MOCOS: variants seen among roughly 807,000 people sequenced by gnomAD.
The protein encoded by MOCOS is molybdenum cofactor sulfurase.
Under a neutral mutation model 83.6 loss-of-function variants are expected in MOCOS, and 86 were observed. The observed-to-expected ratio is 1.03, with a 90% CI of 0.86 to 1.23. MOCOS has a LOEUF of 1.23. Ranked by LOEUF, MOCOS falls within the 50% of genes most tolerant of loss-of-function variation. The pLI is 0.00. For synonymous variants in MOCOS, 445 were observed against 434.7 expected (o/e 1.02, Z -0.29); for missense variants, 1,120 against 1,126.9 (o/e 0.99, Z 0.09).
At chr18:36,245,053 C>G (rs932540015) in intron 9 of MOCOS, among the ~76,000 whole-genome samples, 1 of 152,078 alleles carries the variant, frequency 6.6e-6, no homozygotes, top group Non-Finnish European at 1.5e-5. Flanking sequence ...ACAGTAGATA[C>G]TTGGTTGGTG....
At chr18:36,209,026 C>A (rs1022309597) in intron 6 of MOCOS, among the ~76,000 whole-genome samples, 3 of 152,028 alleles carry the variant, frequency 2.0e-5, no homozygotes, top group African/African-American at 7.2e-5. Flanking sequence ...TGTTATAAGC[C>A]TTTTCTGTGT....
At chr18:36,267,129 T>G (rs534905474) in intron 14 of MOCOS, among the ~76,000 whole-genome samples, 19 of 152,358 alleles carry the variant, frequency 1.2e-4, no homozygotes, top group African/African-American at 3.6e-4. Context: ...GTAATTCTGT[T>G]GTCTTGATCA....
chr18:36,251,046 G>T, intron 10 of MOCOS, 113 bp from the exon 11 acceptor site: 1 of 1,322,650 alleles, frequency 7.6e-7, no homozygotes, highest in South Asian at 1.3e-5. Flanking sequence ...TGCCTTCAGG[G>T]CTCATGCAAT....
At chr18:36,267,713 C>A (rs1411147298) in intron 14 of MOCOS, among the ~76,000 whole-genome samples, 1 of 152,160 alleles carries the variant, frequency 6.6e-6, no homozygotes, top group East Asian at 1.9e-4. Context: ...CTGCACCATG[C>A]AGGTTGCCAG....
At position 36,209,798 on chromosome 18, in the gene MOCOS, A is replaced by T. The variant is rs2091447630; in HGVS notation, c.1219-3568A>T. Among the ~76,000 whole-genome samples the T allele has an allele frequency of 2.0e-5, 3 of 152,186 alleles. No homozygotes were observed. In the South Asian group the frequency reaches 6.2e-4, roughly 32 times the overall value. On this transcript the variant is annotated intron_variant, in intron 6 of 14. Coordinates refer to ENST00000261326, the MANE Select transcript of MOCOS (RefSeq NM_017947.4). Reference sequence around the variant, plus strand: ...AATTGTGAATTGTGCTGCTATAAACATGTGTGCGTGTGTCTTTTCCACATA... The same window carrying T: ...AATTGTGAATTGTGCTGCTATAAACTTGTGTGCGTGTGTCTTTTCCACATA...
Position 36,200,171 on chromosome 18 carries a change from A to G in MOCOS, c.788A>G (p.Tyr263Cys), listed in dbSNP as rs771890603. The change falls in exon 4 of 15, where the codon TAT becomes TGT. Residue 263 changes from tyrosine to cysteine, a missense_variant. Physicochemically the swap from Tyr to Cys is radical, Grantham distance 194. Transcript: ENST00000261326. The part of the protein sequence containing the change: ...HQADFVPISF[Y>C]KIFGFPTGLG... ...GCCGACTTTGTCCCCATCTCCTTCT[A>G]TAAGATCTTCGGGTTTCCTACAGGC... 7.4e-6 allele frequency: 12 copies of G among 1,614,046 alleles called. No homozygotes were observed. The highest frequency in any genetic ancestry group is 8.5e-6 in the Non-Finnish European group (10 of 1,180,040).
rs999444531 is a variant in MOCOS, at chr18:36,268,959, A to C, written c.*274A>C. 1 of 433,636 alleles carries C rather than the reference A, an allele frequency of 2.3e-6. No individual in the cohort carries two copies. Among genetic ancestry groups the C allele is most frequent in the African/African-American group, 2.0e-5 (1 of 50,258 alleles). 26.9% of individuals were successfully genotyped at this position (433,636 alleles called of 1,614,324 possible). ...AGGTATTTGAAGTATAATCACTTGT[A>C]ATCAGATGAAATTTTTAATGAAGTT... On this transcript the variant is annotated 3_prime_UTR_variant, in exon 15 of 15. Transcript: ENST00000261326.
rs2091698597 is a variant in MOCOS, at chr18:36,271,378, TG to T, written c.*2694del. 2 of 152,144 alleles carry T rather than the reference TG, an allele frequency of 1.3e-5. No homozygotes were observed. The highest frequency in any genetic ancestry group is 4.2e-4 in the South Asian group (2 of 4,818). 9.4% of individuals were successfully genotyped at this position (152,144 alleles called of 1,614,324 possible). ...TTAAATATATTTTATTAATTTAAAA[TG>T]AATTTTAAATGCATTTTTTCTTTAG... On this transcript the variant is annotated 3_prime_UTR_variant, in exon 15 of 15. Transcript: ENST00000261326.
At position 36,203,179 on chromosome 18, in the gene MOCOS, G is replaced by T; in HGVS notation, c.1008G>T (p.Glu336Asp). Reference sequence around the variant, plus strand: ...TAAAACATGGATTTGACACCCTAGAGCGCCTCACAGGTCAGTGGACATTTC... The same window carrying T: ...TAAAACATGGATTTGACACCCTAGATCGCCTCACAGGTCAGTGGACATTTC... ...IALKHGFDTLERLTGGMENIK... is the reference protein window; with the variant it reads ...IALKHGFDTLDRLTGGMENIK... Residue 336 changes from glutamate to aspartate, a missense_variant, in exon 5 of 15, where the codon GAG (glutamate) becomes GAT (aspartate). Coordinates refer to ENST00000261326, the MANE Select transcript of MOCOS (RefSeq NM_017947.4). 2 of 1,614,028 alleles carry T rather than the reference G, an allele frequency of 1.2e-6. No homozygotes were observed. Among genetic ancestry groups the T allele is most frequent in the Non-Finnish European group, 1.7e-6 (2 of 1,179,908 alleles).
intron 2 of MOCOS, 51 bp from the exon 3 acceptor site, chr18:36,198,639 A>G (rs746177720): frequency 1.8e-4 from 291 of 1,581,410 alleles, no homozygotes; most frequent in Non-Finnish European, 2.4e-4. Flanking sequence ...GGAACACAAA[A>G]GAAGCGACCC....
chr18:36,203,264 C>T, intron 5 of MOCOS, 75 bp downstream of exon 5: 4 of 1,373,634 alleles, frequency 2.9e-6, no homozygotes, highest in Non-Finnish European at 4.2e-6. Flanking sequence ...AGGTGTGATT[C>T]AGGTAAAGGA....
chr18:36,265,105 C>G (rs1033069348), intron 13 of MOCOS, among the ~76,000 whole-genome samples: 4 of 152,166 alleles, frequency 2.6e-5, no homozygotes, highest in African/African-American at 9.7e-5. Context: ...CCAGAATTGG[C>G]ATCAGTTCAT....
At position 36,215,997 on chromosome 18, in the gene MOCOS, C is replaced by T. The variant is rs778539036; in HGVS notation, c.1797+20C>T. 4.1e-5 allele frequency: 65 copies of T among 1,595,600 alleles called. No homozygotes were observed. Among genetic ancestry groups the T allele is most frequent in the Non-Finnish European group, 5.4e-5 (63 of 1,168,356 alleles). On this transcript the variant is annotated intron_variant, in intron 8 of 14. Transcript: ENST00000261326. ...TTTGAGGTAAGGAATTTCACAGCAGCACAGAAAGTCTTCTCTTTGTTTACT... is the reference window on the plus strand; with the variant it reads ...TTTGAGGTAAGGAATTTCACAGCAGTACAGAAAGTCTTCTCTTTGTTTACT...
At chr18:36,214,244 CA>C (rs33965546) in intron 7 of MOCOS, among the ~76,000 whole-genome samples, 19,518 of 91,180 alleles carry the variant, frequency 0.21, 1,518 homozygotes, top group East Asian at 0.43. Flanking sequence ...AACTCAGTCT[CA>C]AAAAAAAAAA....
chr18:36,260,016 C>CTT, intron 12 of MOCOS, 21 bp from the exon 13 acceptor site: 2 of 1,614,024 alleles, frequency 1.2e-6, no homozygotes, highest in Non-Finnish European at 1.7e-6. Context: ...CCTACTTACT[C>CTT]TTTTTGGTTG....
intron 14 of MOCOS, among the ~76,000 whole-genome samples, chr18:36,267,363 C>T (rs898696781): frequency 6.6e-6 from 1 of 152,200 alleles, no homozygotes; most frequent in African/African-American, 2.4e-5. Context: ...TATTTTCAGG[C>T]TTATACTTTC....
chr18:36,268,469 CAA>C (rs2091688576), intron 14 of MOCOS, 62 bp from the exon 15 acceptor site: 2 of 1,604,482 alleles, frequency 1.2e-6, no homozygotes, highest in East Asian at 2.2e-5. Context: ...TTAATATTTA[CAA>C]AGTTATTTTA....
intron 11 of MOCOS, among the ~76,000 whole-genome samples, chr18:36,254,338 T>C (rs2144144080): frequency 6.6e-6 from 1 of 152,266 alleles, no homozygotes; most frequent in South Asian, 2.1e-4. Context: ...CATTGTCATT[T>C]TAAATTTAAA....
At chr18:36,216,756 T>C (rs574602230) in intron 8 of MOCOS, among the ~76,000 whole-genome samples, 39 of 152,338 alleles carry the variant, frequency 2.6e-4, no homozygotes, top group African/African-American at 8.7e-4. Flanking sequence ...AAAATACTTA[T>C]TAATTAGTAA....
Sources: allele counts gnomAD v4.1 joint callset (sites outside exome capture counted in the v4.1 genomes callset), GRCh38; gene constraint gnomAD v4.1.1; transcripts MANE v1.5; gene names NCBI Gene and HGNC (gene_info 2026-07-23, HGNC 2026-07-21).